The following IDO2 variants were observed in gnomAD, a reference collection of about 807,000 sequenced individuals.
IDO2 encodes indoleamine 2,3-dioxygenase-like 1 protein.
A neutral mutation model predicts 45.1 loss-of-function variants in IDO2; 46 were observed. The ratio of observed to expected loss-of-function variants is 1.02; its 90% CI spans 0.80 to 1.30. The LOEUF is 1.30. IDO2 is among the 50% of genes most tolerant of loss of function. IDO2 has a pLI of 0.00. For synonymous variants in IDO2, 218 were observed against 184.9 expected, an observed-to-expected ratio of 1.18 and a Z score of -1.45; for missense variants, 544 against 491.8, an observed-to-expected ratio of 1.11 and a Z score of -1.00.
chr8:39,966,337 C>T (rs918853508), intron 3 of IDO2, among the ~76,000 whole-genome samples: 3 of 152,120 alleles, frequency 2.0e-5, no homozygotes, highest in Non-Finnish European at 4.4e-5. Context: ...TCTATCCCTA[C>T]TCTTAATTGC....
intron 2 of IDO2, among the ~76,000 whole-genome samples, chr8:39,959,716 T>A (rs2729490): frequency 0.79 from 119,692 of 152,058 alleles, 48,260 homozygotes; most frequent in East Asian, 0.87. Context: ...CCAGCTACTC[T>A]GGAGGCTGAG....
Position 39,935,225 on chromosome 8 carries a change from A to G in IDO2, c.-18+7A>G, listed in dbSNP as rs1807527488. ...TTGCATTTTCATTATTATGGTAAGT[A>G]CACTGGTAACTTCTTTTCTAACCTC... On this transcript the variant is annotated splice_region_variant and intron_variant, in intron 1 of 10. Coordinates refer to ENST00000502986, the Ensembl canonical transcript of IDO2. 1 of 1,611,026 alleles carries G rather than the reference A, an allele frequency of 6.2e-7. No individual in the cohort carries two copies. Among genetic ancestry groups the G allele is most frequent in the Non-Finnish European group, 8.5e-7 (1 of 1,177,424 alleles).
intron 8 of IDO2, among the ~76,000 whole-genome samples, chr8:39,999,554 C>T (rs865958662): frequency 6.6e-6 from 1 of 151,864 alleles, no homozygotes; most frequent in African/African-American, 2.4e-5. Flanking sequence ...GCTAAGATTA[C>T]AGGCCTGAGC....
rs758681998 is a variant in IDO2 at position 39,954,358 on chromosome 8, T to C, written c.99+5094T>C. Among the ~76,000 whole-genome samples, 60 of 152,338 alleles carry C rather than the reference T, an allele frequency of 3.9e-4. No homozygotes were observed. The Middle Eastern group carries it at 0.017, about 43-fold the overall frequency. On this transcript the variant is annotated intron_variant, in intron 2 of 10. Coordinates refer to ENST00000502986, the Ensembl canonical transcript of IDO2. ...TTTGCTGGTGCCCCAGACAGGGTGC[T>C]GATGCTTACTTATCTTCAAGATTGT...
At chr8:39,974,144 T>G (rs867871993) in intron 3 of IDO2, among the ~76,000 whole-genome samples, 1 of 152,168 alleles carries the variant, frequency 6.6e-6, no homozygotes. Context: ...TCAGTTTTCA[T>G]GACATGTTAT....
intron 1 of IDO2, among the ~76,000 whole-genome samples, chr8:39,942,381 C>T (rs533887414): frequency 2.0e-5 from 3 of 152,190 alleles, no homozygotes; most frequent in Non-Finnish European, 2.9e-5. Flanking sequence ...TGGTGGTTCA[C>T]GCCTGTAATC....
At chr8:40,015,605 G>A (rs772855871) in exon 11 of IDO2, 5 of 1,601,104 alleles carry the variant, frequency 3.1e-6, no homozygotes, top group Middle Eastern at 3.8e-4. Context: ...GTGGTTAGGA[G>A]GCTGCCCTCT....
intron 8 of IDO2, among the ~76,000 whole-genome samples, chr8:39,990,543 A>G (rs929789764): frequency 3.3e-5 from 5 of 152,180 alleles, no homozygotes; most frequent in African/African-American, 1.2e-4. Context: ...TACTTACACA[A>G]CGACATCTGC....
intron 2 of IDO2, among the ~76,000 whole-genome samples, chr8:39,951,148 G>A (rs1013515254): frequency 3.3e-5 from 5 of 152,088 alleles, no homozygotes; most frequent in Non-Finnish European, 5.9e-5. Context: ...CCTCAGGGTA[G>A]GTATTCAGTA....
At chr8:40,003,175 G>A (rs1403251870) in intron 8 of IDO2, among the ~76,000 whole-genome samples, 1 of 152,008 alleles carries the variant, frequency 6.6e-6, no homozygotes, top group African/African-American at 2.4e-5. Flanking sequence ...TTTGAGACGA[G>A]CCTGGCCAAC....
At chr8:39,991,154 C>G (rs1808491469) in intron 8 of IDO2, among the ~76,000 whole-genome samples, 1 of 152,288 alleles carries the variant, frequency 6.6e-6, no homozygotes, top group East Asian at 1.9e-4. Flanking sequence ...CCTCTCAGCA[C>G]TAGTAGAAAT....
intron 5 of IDO2, among the ~76,000 whole-genome samples, chr8:39,983,610 T>A (rs1052398393): frequency 6.6e-6 from 1 of 152,096 alleles, no homozygotes; most frequent in Admixed American, 6.6e-5. Context: ...ACCCCTGTAA[T>A]CCCGGCACTT....
chr8:39,988,321 C>A (rs1229819756), intron 7 of IDO2, among the ~76,000 whole-genome samples: 1 of 152,110 alleles, frequency 6.6e-6, no homozygotes, highest in Non-Finnish European at 1.5e-5. Context: ...AGCCACTGCA[C>A]CGGGCCTCAA....
intron 3 of IDO2, among the ~76,000 whole-genome samples, chr8:39,971,960 C>T (rs1266756750): frequency 6.6e-6 from 1 of 152,130 alleles, no homozygotes; most frequent in African/African-American, 2.4e-5. Context: ...AGGTGCCTGC[C>T]ACCATGCCCA....
In IDO2 at chr8:39,947,507, C is replaced by A. The variant is rs758329630; in HGVS notation, c.-17-1642C>A. Among the ~76,000 whole-genome samples, 133 of 152,306 alleles carry A rather than the reference C, an allele frequency of 8.7e-4. 1 individual carries two copies. The highest frequency in any genetic ancestry group is 1.5e-3 in the Non-Finnish European group (103 of 68,036). ...TTAAAAGTGTTTTTACCTTTCTCAG[C>A]GTTCCACAAGTTACTTCCTCCTTCC... is the stretch of plus-strand genomic sequence containing the variant. On this transcript the variant is annotated intron_variant, in intron 1 of 10. Coordinates refer to ENST00000502986, the Ensembl canonical transcript of IDO2.
chr8:39,973,306 T>TAC (rs1217971734), intron 3 of IDO2, among the ~76,000 whole-genome samples: 1 of 152,194 alleles, frequency 6.6e-6, no homozygotes. Context: ...TATTTATATA[T>TAC]ACACACACAT....
At chr8:39,989,328 G>C (rs114560144) in intron 7 of IDO2, among the ~76,000 whole-genome samples, 4,345 of 152,214 alleles carry the variant, frequency 0.029, 196 homozygotes, top group African/African-American at 0.096. Context: ...ATGAGATTTG[G>C]GTGGGGACAC....
chr8:40,008,285 ATCC>A (rs1563442537), intron 9 of IDO2, among the ~76,000 whole-genome samples: 1 of 152,022 alleles, frequency 6.6e-6, no homozygotes, highest in Non-Finnish European at 1.5e-5. Context: ...ACCTCAAGTG[ATCC>A]TCCCACTTCA....
At chr8:39,936,445 C>T (rs1280111566) in intron 1 of IDO2, among the ~76,000 whole-genome samples, 3 of 152,150 alleles carry the variant, frequency 2.0e-5, no homozygotes, top group African/African-American at 7.2e-5. Flanking sequence ...GTCAAGGAGG[C>T]TGACAGGCTG....
Sources: allele counts gnomAD v4.1 joint callset (sites outside exome capture counted in the v4.1 genomes callset), GRCh38; gene constraint gnomAD v4.1.1; transcripts MANE v1.5; gene names NCBI Gene and HGNC (gene_info 2026-07-23, HGNC 2026-07-21).